SERPINI2: variants seen among roughly 807,000 people sequenced by gnomAD.
SERPINI2 encodes serpin family I member 2.
A neutral mutation model predicts 47.3 loss-of-function variants in SERPINI2; 48 were observed. The observed-to-expected ratio is 1.02, with a 90% CI of 0.81 to 1.29. The LOEUF (loss-of-function observed/expected upper bound fraction) is 1.29, where lower values mean the gene tolerates loss of function less well. Among genes scored for constraint, SERPINI2 ranks in the 50% most tolerant of loss-of-function variants. The probability of loss-of-function intolerance (pLI) is 0.00; values close to 1 mark genes in which losing one functional copy is unlikely to be tolerated. For missense variants in SERPINI2, 448 were observed against 456.9 expected, an observed-to-expected ratio of 0.98 and a Z score of 0.18; for synonymous variants, 135 against 149.3, an observed-to-expected ratio of 0.90 and a Z score of 0.70.
intron 5 of SERPINI2, among the ~76,000 whole-genome samples, chr3:167,463,115 A>C (rs1437624989): frequency 1.3e-5 from 2 of 152,216 alleles, no homozygotes; most frequent in African/African-American, 4.8e-5. Flanking sequence ...TACATGTCAC[A>C]GACAGTTTTC....
intron 8 of SERPINI2, among the ~76,000 whole-genome samples, chr3:167,446,067 C>T (rs888303307): frequency 2.0e-5 from 3 of 152,202 alleles, no homozygotes; most frequent in Non-Finnish European, 2.9e-5. Context: ...TTTCTAGCTA[C>T]GTAACCTGAG....
At chr3:167,456,539 T>C (rs1019192143) in intron 5 of SERPINI2, among the ~76,000 whole-genome samples, 9 of 152,220 alleles carry the variant, frequency 5.9e-5, no homozygotes, top group African/African-American at 2.2e-4. Flanking sequence ...TTGGTACGGC[T>C]ACTCCAGATC....
At chr3:167,472,994 T>C (rs1056444699) in intron 1 of SERPINI2, among the ~76,000 whole-genome samples, 1 of 151,748 alleles carries the variant, frequency 6.6e-6, no homozygotes, top group Non-Finnish European at 1.5e-5. Context: ...CAGCCTTAAG[T>C]AGAGACTTAC....
At chr3:167,448,539 TTGA>T (rs1156918411) in intron 7 of SERPINI2, among the ~76,000 whole-genome samples, 11 of 152,196 alleles carry the variant, frequency 7.2e-5, no homozygotes, top group African/African-American at 2.7e-4. Flanking sequence ...TTGCTTTGTT[TTGA>T]GATGGAGTCT....
At chr3:167,460,415 T>A (rs1749951447) in intron 5 of SERPINI2, among the ~76,000 whole-genome samples, 1 of 152,214 alleles carries the variant, frequency 6.6e-6, no homozygotes, top group South Asian at 2.1e-4. Flanking sequence ...TTCAGAACTT[T>A]TAATCCATGA....
intron 8 of SERPINI2, among the ~76,000 whole-genome samples, chr3:167,444,167 C>CA (rs1577165600): frequency 6.6e-6 from 1 of 152,116 alleles, no homozygotes; most frequent in Non-Finnish European, 1.5e-5. Context: ...ATTTCAAAAT[C>CA]ATAATTCACT....
intron 8 of SERPINI2, among the ~76,000 whole-genome samples, chr3:167,445,209 A>G (rs186679764): frequency 1.7e-3 from 254 of 152,336 alleles, no homozygotes; most frequent in African/African-American, 5.9e-3. Context: ...AGAGTGAAGT[A>G]TCCCTTACTG....
At chr3:167,475,530 C>A (rs1750457325), upstream of SERPINI2, among the ~76,000 whole-genome samples, 1 of 151,790 alleles carries the variant, frequency 6.6e-6, no homozygotes, top group African/African-American at 2.4e-5. Context: ...TATATTAGAG[C>A]AGTTCAGGCA....
chr3:167,442,551 T>A (rs540690328), intron 8 of SERPINI2, among the ~76,000 whole-genome samples: 6 of 152,306 alleles, frequency 3.9e-5, no homozygotes, highest in African/African-American at 1.2e-4. Flanking sequence ...GAGTTTTAAA[T>A]TTAAGGCATT....
intron 2 of SERPINI2, among the ~76,000 whole-genome samples, chr3:167,471,233 T>C (rs1033210775): frequency 6.6e-6 from 1 of 152,092 alleles, no homozygotes; most frequent in Non-Finnish European, 1.5e-5. Context: ...AGTGGAAGAA[T>C]ATGTATGTGT....
chr3:167,445,496 G>A (rs73032505), intron 8 of SERPINI2, among the ~76,000 whole-genome samples: 6,951 of 152,212 alleles, frequency 0.046, 531 homozygotes, highest in African/African-American at 0.16. Context: ...GAAAGGACAA[G>A]CAACTTGTTT....
intron 5 of SERPINI2, among the ~76,000 whole-genome samples, chr3:167,453,670 CA>C (rs1203848367): frequency 0.063 from 7,671 of 121,048 alleles, 650 homozygotes; most frequent in African/African-American, 0.21. Flanking sequence ...GGGGGGTGGG[CA>C]AAAAAAAAAG....
chr3:167,465,055 G>C, intron 5 of SERPINI2, 151 bp downstream of exon 5: 1 of 666,446 alleles, frequency 1.5e-6, no homozygotes, highest in South Asian at 2.0e-5. Flanking sequence ...CCCTGCTTTA[G>C]TATCCAAAAG....
chr3:167,452,267 C>T (rs1180427110), intron 6 of SERPINI2, among the ~76,000 whole-genome samples: 1 of 152,150 alleles, frequency 6.6e-6, no homozygotes, highest in Non-Finnish European at 1.5e-5. Context: ...GACAAACTGG[C>T]TCTCTTCATC....
At chr3:167,472,938 C>A (rs1411360768) in intron 1 of SERPINI2, among the ~76,000 whole-genome samples, 19 of 151,596 alleles carry the variant, frequency 1.3e-4, no homozygotes, top group Non-Finnish European at 4.4e-5. Context: ...TAGGAAGTAA[C>A]CCTTAATTAG....
chr3:167,448,411 C>T (rs549523192), intron 7 of SERPINI2, among the ~76,000 whole-genome samples: 2 of 152,338 alleles, frequency 1.3e-5, no homozygotes, highest in East Asian at 3.9e-4. Context: ...CTTCCATGCA[C>T]ATTGATATCA....
intron 5 of SERPINI2, among the ~76,000 whole-genome samples, chr3:167,459,610 T>C (rs542039682): frequency 6.6e-6 from 1 of 151,682 alleles, no homozygotes; most frequent in African/African-American, 2.4e-5. Context: ...TCTTAAGCAG[T>C]AACTATAATC....
intron 5 of SERPINI2, among the ~76,000 whole-genome samples, chr3:167,458,774 T>C (rs1305074352): frequency 6.6e-6 from 1 of 152,196 alleles, no homozygotes; most frequent in Non-Finnish European, 1.5e-5. Flanking sequence ...CTGATCCTTC[T>C]CTGTCAATAC....
At chr3:167,462,692 G>T (rs984576731) in intron 5 of SERPINI2, among the ~76,000 whole-genome samples, 5 of 152,192 alleles carry the variant, frequency 3.3e-5, no homozygotes, top group Admixed American at 2.0e-4. Flanking sequence ...TAAGAGAGAA[G>T]TCTGTGTCTA....
Sources: allele counts gnomAD v4.1 joint callset (sites outside exome capture counted in the v4.1 genomes callset), GRCh38; gene constraint gnomAD v4.1.1; transcripts MANE v1.5; gene names NCBI Gene and HGNC (gene_info 2026-07-23, HGNC 2026-07-21).